The following VPS13B variants were observed in gnomAD, a reference collection of about 807,000 sequenced individuals.
The protein encoded by VPS13B is vacuolar protein sorting 13 homolog B.
A neutral mutation model predicts 426.4 loss-of-function variants in VPS13B; 285 were observed. The ratio of observed to expected loss-of-function variants is 0.67; its 90% CI spans 0.61 to 0.74. The LOEUF is 0.74. VPS13B is among the 30% of genes least tolerant of loss of function. The pLI, the probability that VPS13B is intolerant of heterozygous loss-of-function variation, is 0.00. For missense variants in VPS13B, 4,537 were observed against 4,782.6 expected (o/e 0.95, Z 1.51); for synonymous variants, 1,676 against 1,676.4 (o/e 1.00, Z 0.01).
At chr8:99,598,916 A>C (rs1372542232) in intron 33 of VPS13B, among the ~76,000 whole-genome samples, 1 of 152,016 alleles carries the variant, frequency 6.6e-6, no homozygotes, top group Non-Finnish European at 1.5e-5. Flanking sequence ...ATTTGCAAAA[A>C]AAAAATTACT....
chr8:99,172,848 A>G (rs760587874), intron 16 of VPS13B, among the ~76,000 whole-genome samples: 2 of 152,080 alleles, frequency 1.3e-5, no homozygotes, highest in Admixed American at 1.3e-4. Context: ...GTTTATAGCC[A>G]TCTGTGTACT....
chr8:99,210,713 C>G (rs935788870), intron 17 of VPS13B, among the ~76,000 whole-genome samples: 1 of 152,040 alleles, frequency 6.6e-6, no homozygotes, highest in African/African-American at 2.4e-5. Context: ...TCAAAAGATA[C>G]TCCTACCTTA....
intron 19 of VPS13B, among the ~76,000 whole-genome samples, chr8:99,375,928 C>G (rs745917627): frequency 2.0e-5 from 3 of 152,122 alleles, no homozygotes; most frequent in African/African-American, 4.8e-5. Flanking sequence ...ATAGGACAGT[C>G]TCATTGGCTG....
chr8:99,076,716 TCC>T (rs1384515483), intron 3 of VPS13B, among the ~76,000 whole-genome samples: 1 of 152,060 alleles, frequency 6.6e-6, no homozygotes, highest in Non-Finnish European at 1.5e-5. Context: ...AATATCTTTT[TCC>T]ATTCCTGTAC....
Position 99,424,991 on chromosome 8 carries a change from T to C in VPS13B, c.3083-6546T>C, listed in dbSNP as rs558362659. ...AGAAATGGATATATTCCTCAACACA[T>C]ACACCCTTCCAAGTCTAAACCAGGA... On this transcript the variant is annotated intron_variant, in intron 21 of 61. Coordinates refer to ENST00000357162, the MANE Select transcript of VPS13B (RefSeq NM_152564.5). 6.6e-5 allele frequency among the ~76,000 whole-genome samples: 10 copies of C among 152,230 alleles called. 1 individual carries two copies. The highest frequency in any genetic ancestry group is 2.4e-4 in the African/African-American group (10 of 41,540).
rs140993016 is a variant in VPS13B, at chr8:99,412,872, C to T, written c.3083-18665C>T. 2.4e-4 allele frequency among the ~76,000 whole-genome samples: 36 copies of T among 151,738 alleles called. 1 individual carries two copies. Among genetic ancestry groups the T allele is most frequent in the Non-Finnish European group, 1.9e-4 (13 of 67,724 alleles). On this transcript the variant is annotated intron_variant, in intron 21 of 61. Coordinates refer to ENST00000357162, the MANE Select transcript of VPS13B (RefSeq NM_152564.5). ...GTTCTGTTTGTGTGTTATTGATTTG[C>T]GTATGTTGAACCAGCCTTGCATTCC...
chr8:99,611,325 A>T (rs1308137679), intron 33 of VPS13B, among the ~76,000 whole-genome samples: 1 of 152,132 alleles, frequency 6.6e-6, no homozygotes, highest in Non-Finnish European at 1.5e-5. Flanking sequence ...TCAGTGCTTT[A>T]TTTGTGATAT....
intron 31 of VPS13B, among the ~76,000 whole-genome samples, chr8:99,557,052 T>G (rs1295791127): frequency 1.3e-5 from 2 of 152,156 alleles, no homozygotes; most frequent in Non-Finnish European, 2.9e-5. Flanking sequence ...TATGTTTAAG[T>G]TAGAGTGTGG....
intron 35 of VPS13B, among the ~76,000 whole-genome samples, chr8:99,699,082 A>G (rs1346806919): frequency 6.7e-6 from 1 of 148,968 alleles, no homozygotes; most frequent in Non-Finnish European, 1.5e-5. Flanking sequence ...AATATTTATT[A>G]GTAATACCAT....
intron 35 of VPS13B, among the ~76,000 whole-genome samples, chr8:99,669,339 T>C (rs932456353): frequency 2.0e-4 from 30 of 152,124 alleles, no homozygotes; most frequent in African/African-American, 6.8e-4. Flanking sequence ...TCTAATTAAC[T>C]CAGGGTTATT....
chr8:99,228,059 A>G (rs1036288079), intron 17 of VPS13B, among the ~76,000 whole-genome samples: 9 of 152,084 alleles, frequency 5.9e-5, no homozygotes, highest in African/African-American at 2.2e-4. Context: ...CAAATATTTG[A>G]ATTTCTAAAT....
intron 56 of VPS13B, among the ~76,000 whole-genome samples, chr8:99,858,320 G>A (rs116036454): frequency 0.022 from 3,370 of 152,262 alleles, 130 homozygotes; most frequent in African/African-American, 0.078. Context: ...CAGACTCCAC[G>A]CACAGCCGCG....
chr8:99,660,954 C>G (rs763203076), intron 34 of VPS13B, among the ~76,000 whole-genome samples: 1 of 152,010 alleles, frequency 6.6e-6, no homozygotes, highest in Non-Finnish European at 1.5e-5. Context: ...TCTACTGTAT[C>G]TTTGAAAATG....
At chr8:99,757,566 A>T (rs1810703493) in intron 39 of VPS13B, among the ~76,000 whole-genome samples, 1 of 152,226 alleles carries the variant, frequency 6.6e-6, no homozygotes, top group South Asian at 2.1e-4. Flanking sequence ...GGGCAGTCAT[A>T]ACCCTGCTAA....
At chr8:99,560,189 C>T (rs1309841569) in intron 31 of VPS13B, among the ~76,000 whole-genome samples, 1 of 152,102 alleles carries the variant, frequency 6.6e-6, no homozygotes, top group Non-Finnish European at 1.5e-5. Flanking sequence ...GGAGTTCACT[C>T]ATGATTTGGC....
intron 16 of VPS13B, among the ~76,000 whole-genome samples, chr8:99,172,352 G>A (rs1812386576): frequency 6.6e-6 from 1 of 152,118 alleles, no homozygotes; most frequent in Admixed American, 6.5e-5. Flanking sequence ...AGGATATTGA[G>A]GAATGGATAT....
chr8:99,161,187 CAATT>C (rs751265379), intron 15 of VPS13B, among the ~76,000 whole-genome samples: 184 of 152,262 alleles, frequency 1.2e-3, no homozygotes, highest in Middle Eastern at 3.4e-3. Flanking sequence ...TTTATTGTCA[CAATT>C]AATACATAGA....
At chr8:99,226,661 A>G (rs770636750) in intron 17 of VPS13B, among the ~76,000 whole-genome samples, 5 of 152,130 alleles carry the variant, frequency 3.3e-5, no homozygotes, top group Non-Finnish European at 7.4e-5. Context: ...CTTAATATCA[A>G]TCTTGCCTAA....
rs60664170 is a variant in VPS13B, at chr8:99,111,080, G to GT, written c.581-9dup. The GT allele has an allele frequency of 1.4e-3, 2,191 of 1,556,548 alleles. 1 individual carries two copies. Among genetic ancestry groups the GT allele is most frequent in the African/African-American group, 5.3e-3 (392 of 73,284 alleles). ...GCTAATTTTCCTTTTTACTTAAAAT[G>GT]TTTTTTTTTCTTTTTAGCAACTGAT... On this transcript the variant is annotated splice_polypyrimidine_tract_variant and intron_variant, in intron 5 of 61. Transcript: ENST00000357162.
Sources: gnomAD v4.1 joint callset for allele counts (sites outside exome capture counted in the v4.1 genomes callset) on GRCh38, gnomAD v4.1.1 for gene constraint, MANE v1.5 for transcripts, NCBI Gene and HGNC (gene_info 2026-07-23, HGNC 2026-07-21) for gene names.